IGSF3: variants seen among roughly 807,000 people sequenced by gnomAD.
The protein encoded by IGSF3 is glu-Trp-Ile EWI motif-containing protein 3.
Under a neutral mutation model 114.4 loss-of-function variants are expected in IGSF3, and 23 were observed. The observed-to-expected ratio is 0.20, with a 90% CI of 0.14 to 0.28. The LOEUF is 0.28. Among genes scored for constraint, IGSF3 ranks in the 10% least tolerant of loss-of-function variants. The probability of loss-of-function intolerance (pLI) is 1.00; values close to 1 mark genes in which losing one functional copy is unlikely to be tolerated. For missense variants in IGSF3, 1,172 were observed against 1,591.5 expected (o/e 0.74, Z 4.48); for synonymous variants, 571 against 645.2 (o/e 0.88, Z 1.74).
intron 2 of IGSF3, among the ~76,000 whole-genome samples, chr1:116,635,127 T>G (rs1228876094): frequency 2.0e-5 from 3 of 152,228 alleles, no homozygotes; most frequent in Non-Finnish European, 4.4e-5. Context: ...TGATCTGTTA[T>G]GCAGCACTGG....
chr1:116,591,892 A>G, intron 7 of IGSF3, among the ~76,000 whole-genome samples: 1 of 152,226 alleles, frequency 6.6e-6, no homozygotes, highest in African/African-American at 2.4e-5. Context: ...CAATGTCTCT[A>G]TCTCCATTAG....
chr1:116,623,685 C>T (rs908456140), intron 2 of IGSF3, among the ~76,000 whole-genome samples: 1 of 151,968 alleles, frequency 6.6e-6, no homozygotes, highest in African/African-American at 2.4e-5. Context: ...ACAGTCTAAC[C>T]AAGGTCCAGA....
intron 2 of IGSF3, among the ~76,000 whole-genome samples, chr1:116,637,253 GTTC>G (rs1433310895): frequency 6.6e-6 from 1 of 152,170 alleles, no homozygotes; most frequent in African/African-American, 2.4e-5. Context: ...CTATTCGAAA[GTTC>G]TTCTTTACTT....
chr1:116,657,209 T>C lies in IGSF3; in HGVS notation c.43+9075A>G, dbSNP rs952189224. Among the ~76,000 whole-genome samples the C allele has an allele frequency of 6.6e-5, 10 of 152,212 alleles. No homozygotes were observed. Among genetic ancestry groups the C allele is most frequent in the Admixed American group, 1.3e-4 (2 of 15,278 alleles). On this transcript the variant is annotated intron_variant, in intron 2 of 10. Transcript: ENST00000369486. This position sits in a 1 kb window ranked among gnomAD's most constrained non-coding sequence, Gnocchi z 4.2. Reference sequence around the variant, plus strand: ...TGGCTGGGATAGGGTAGGTGTGATCTGACCCACAGCAAATGATGGCTGCTC... The same window carrying C: ...TGGCTGGGATAGGGTAGGTGTGATCCGACCCACAGCAAATGATGGCTGCTC...
At chr1:116,641,422 G>C (rs12124949) in intron 2 of IGSF3, among the ~76,000 whole-genome samples, 1 of 145,322 alleles carries the variant, frequency 6.9e-6, no homozygotes, top group Non-Finnish European at 1.5e-5. Context: ...CTTGGACCCA[G>C]GAGGCAGAGG....
rs954577258 is a variant in IGSF3, at chr1:116,655,224, A to C, written c.43+11060T>G. 2.7e-4 allele frequency among the ~76,000 whole-genome samples: 41 copies of C among 152,206 alleles called. No homozygotes were observed. The highest frequency in any genetic ancestry group is 9.6e-4 in the African/African-American group (40 of 41,460). ...GTAGCAGGCACTCGGTTATTTGTTG[A>C]ATGAACTTCTTGGGAAAGCCTTCTT... On this transcript the variant is annotated intron_variant, in intron 2 of 10. Transcript: ENST00000369486. The surrounding 1 kb of genome is among the most constrained non-coding windows in gnomAD (Gnocchi z 4.3).
Position 116,616,368 on chromosome 1 carries a change from T to C in IGSF3, c.133A>G (p.Ser45Gly), listed in dbSNP as rs1661218536. Reference protein sequence around the residue: ...GSHITIWCNVSGYQGPSEQNF... With the variant: ...GSHITIWCNVGGYQGPSEQNF... ...TGCTCAGAAGGTCCCTGGTAGCCAC[T>C]CACATTGCACCAGATAGTGATGTGG... The change falls in exon 3 of 11, where the codon AGT (serine) becomes GGT (glycine). Residue 45 changes from serine (S) to glycine (G), a missense_variant. Coordinates refer to ENST00000369486, the MANE Select transcript of IGSF3 (RefSeq NM_001007237.3). This position sits in a 1 kb window ranked among gnomAD's most constrained non-coding sequence, Gnocchi z 6.6. The C allele has an allele frequency of 6.2e-7, 1 of 1,611,980 alleles. No homozygotes were observed. Among genetic ancestry groups the C allele is most frequent in the Non-Finnish European group, 8.5e-7 (1 of 1,179,788 alleles).
intron 2 of IGSF3, among the ~76,000 whole-genome samples, chr1:116,646,343 G>C (rs574454667): frequency 2.0e-5 from 3 of 152,030 alleles, no homozygotes; most frequent in Non-Finnish European, 4.4e-5. Context: ...TGGAGAATTG[G>C]GGGGGGTCCA....
rs1212800595 is a variant in IGSF3 at position 116,624,035 on chromosome 1, C to T, written c.44-7578G>A. Among the ~76,000 whole-genome samples, 3 of 141,502 alleles carry T rather than the reference C, an allele frequency of 2.1e-5. No homozygotes were observed. The highest frequency in any genetic ancestry group is 6.9e-5 in the Admixed American group (1 of 14,492). The allele number at this position is 141,502 out of a possible 152,430, so 92.8% of individuals were successfully genotyped here. On this transcript the variant is annotated intron_variant, in intron 2 of 10. Coordinates refer to ENST00000369486, the MANE Select transcript of IGSF3 (RefSeq NM_001007237.3). This position sits in a 1 kb window ranked among gnomAD's most constrained non-coding sequence, Gnocchi z 4.9. ...CCAGCAGGTGGAGGTTGCAGTGAGC[C>T]GAGATCATGTCATTGCACTGTGGGC... is the stretch of plus-strand genomic sequence containing the variant.
rs1407476349 is a variant in IGSF3 at position 116,657,828 on chromosome 1, T to C, written c.43+8456A>G. 6.6e-6 allele frequency among the ~76,000 whole-genome samples: 1 copy of C among 152,064 alleles called. No homozygotes were observed. The highest frequency in any genetic ancestry group is 2.4e-5 in the African/African-American group (1 of 41,378). On this transcript the variant is annotated intron_variant, in intron 2 of 10. Transcript: ENST00000369486. This position sits in a 1 kb window ranked among gnomAD's most constrained non-coding sequence, Gnocchi z 4.2. Reference sequence around the variant, plus strand: ...GGTCACATGCAAAAACAGAATTAAATACACAAAAATAGCACCAACTTAAGG... The same window carrying C: ...GGTCACATGCAAAAACAGAATTAAACACACAAAAATAGCACCAACTTAAGG...
At chr1:116,631,258 C>A (rs1407455572) in intron 2 of IGSF3, among the ~76,000 whole-genome samples, 1 of 141,388 alleles carries the variant, frequency 7.1e-6, no homozygotes. Context: ...GCGGAGCTTG[C>A]AGTGAGCCGA....
rs188906420 is a variant in IGSF3 at position 116,588,560 on chromosome 1, G to A, written c.2440+134C>T. On this transcript the variant is annotated intron_variant, in intron 8 of 10. Transcript: ENST00000369486. The surrounding 1 kb of genome is among the most constrained non-coding windows in gnomAD (Gnocchi z 4.9). ...TTGCAGTGTGCTAGGGTGATGGTCC[G>A]TGTACCTGCACCCATACTCAGCATG... is the stretch of plus-strand genomic sequence containing the variant. The A allele has an allele frequency of 6.5e-4, 513 of 792,656 alleles. 3 individuals carry two copies. The highest frequency in any genetic ancestry group is 6.2e-3 in the African/African-American group (356 of 57,444). The allele number at this position is 792,656 out of a possible 1,614,324, so 49.1% of individuals were successfully genotyped here. A position where few individuals can be genotyped will look rare whatever the true frequency, so the allele number is the denominator to read the frequency against.
In IGSF3 at chr1:116,666,426, T is replaced by G; in HGVS notation, c.-100A>C. The stretch of plus-strand genomic sequence containing the variant: ...CCACTTATAGCTCCAGAGAACAGTT[T>G]TGGAAATAGAACTTAACTCGGAAAA... On this transcript the variant is annotated 5_prime_UTR_variant, in exon 2 of 11. Transcript: ENST00000369486. The G allele has an allele frequency of 8.9e-7, 1 of 1,124,426 alleles. No homozygotes were observed. Among genetic ancestry groups the G allele is most frequent in the East Asian group, 2.3e-5 (1 of 42,652 alleles). 69.7% of individuals were successfully genotyped at this position (1,124,426 alleles called of 1,614,324 possible). A position where few individuals can be genotyped will look rare whatever the true frequency, so the allele number is the denominator to read the frequency against.
chr1:116,666,959 A>G lies in IGSF3; in HGVS notation c.-630-3T>C. Reference sequence around the variant, plus strand: ...GGTACCCCAGCGCGAGCAGATTTCTAAAACAAACACAACAGAGATTTTTAT... The same window carrying G: ...GGTACCCCAGCGCGAGCAGATTTCTGAAACAAACACAACAGAGATTTTTAT... On this transcript the variant is annotated splice_region_variant and splice_polypyrimidine_tract_variant and intron_variant, in intron 1 of 10. Transcript: ENST00000369486. The G allele has an allele frequency of 2.5e-6, 1 of 402,078 alleles. No homozygotes were observed. The highest frequency in any genetic ancestry group is 4.4e-6 in the Non-Finnish European group (1 of 228,570). 24.9% of individuals were successfully genotyped at this position (402,078 alleles called of 1,614,324 possible). A position where few individuals can be genotyped will look rare whatever the true frequency, so the allele number is the denominator to read the frequency against.
rs1228063371 is a variant in IGSF3 at position 116,636,584 on chromosome 1, G to A, written c.44-20127C>T. Among the ~76,000 whole-genome samples the A allele has an allele frequency of 2.0e-5, 3 of 152,116 alleles. No individual in the cohort carries two copies. Among genetic ancestry groups the A allele is most frequent in the South Asian group, 2.1e-4 (1 of 4,828 alleles). On this transcript the variant is annotated intron_variant, in intron 2 of 10. Coordinates refer to ENST00000369486, the MANE Select transcript of IGSF3 (RefSeq NM_001007237.3). The surrounding 1 kb of genome is among the most constrained non-coding windows in gnomAD (Gnocchi z 4.5). ...GGAGGAAAGAATGAACAGTCATCTG[G>A]CCCAGACTTGGAGAAGCTGTGATCT...
Position 116,624,190 on chromosome 1 carries a change from C to T in IGSF3, c.44-7733G>A, listed in dbSNP as rs1215703564. Among the ~76,000 whole-genome samples, 9 of 149,504 alleles carry T rather than the reference C, an allele frequency of 6.0e-5. No homozygotes were observed. Among genetic ancestry groups the T allele is most frequent in the African/African-American group, 1.2e-4 (5 of 40,384 alleles). On this transcript the variant is annotated intron_variant, in intron 2 of 10. Coordinates refer to ENST00000369486, the MANE Select transcript of IGSF3 (RefSeq NM_001007237.3). This position sits in a 1 kb window ranked among gnomAD's most constrained non-coding sequence, Gnocchi z 4.9. ...CTGCACTCCAGCCTGGGTGACAGAG[C>T]GAGATCTTGTCTCAAAAAAAAAAAA...
intron 2 of IGSF3, among the ~76,000 whole-genome samples, chr1:116,639,849 C>T (rs1012517955): frequency 2.0e-5 from 3 of 151,980 alleles, no homozygotes; most frequent in Non-Finnish European, 4.4e-5. Context: ...ATCTGGCCAA[C>T]ACGGTGAAAC....
rs1177579630 is a variant in IGSF3 at position 116,629,576 on chromosome 1, C to A, written c.44-13119G>T. Among the ~76,000 whole-genome samples the A allele has an allele frequency of 2.0e-5, 3 of 151,882 alleles. No individual in the cohort carries two copies. Among genetic ancestry groups the A allele is most frequent in the African/African-American group, 7.3e-5 (3 of 41,310 alleles). On this transcript the variant is annotated intron_variant, in intron 2 of 10. Coordinates refer to ENST00000369486, the MANE Select transcript of IGSF3 (RefSeq NM_001007237.3). This position sits in a 1 kb window ranked among gnomAD's most constrained non-coding sequence, Gnocchi z 4.3. ...GGAGAGGAGGGAGGTGGCCAAGGAG[C>A]CTGAAGTGGGGGAGGGGGGCTGATG...
Position 116,624,156 on chromosome 1 carries a change from A to G in IGSF3, c.44-7699T>C, listed in dbSNP as rs1661504208. Among the ~76,000 whole-genome samples the G allele has an allele frequency of 6.6e-6, 1 of 151,008 alleles. No homozygotes were observed. The highest frequency in any genetic ancestry group is 1.5e-5 in the Non-Finnish European group (1 of 67,832). ...GAGGCCGAGGCTGCCGTGAACAATG[A>G]TTGTGCCACTGCACTCCAGCCTGGG... On this transcript the variant is annotated intron_variant, in intron 2 of 10. Transcript: ENST00000369486. This position sits in a 1 kb window ranked among gnomAD's most constrained non-coding sequence, Gnocchi z 4.9.
Sources: gnomAD v4.1 joint callset for allele counts (sites outside exome capture counted in the v4.1 genomes callset) on GRCh38, gnomAD v4.1.1 for gene constraint, Gnocchi (gnomAD v3.1) non-coding constraint, MANE v1.5 for transcripts, NCBI Gene and HGNC (gene_info 2026-07-23, HGNC 2026-07-21) for gene names.